Variants in GRIN3A observed in about 807,000 individuals in gnomAD.
GRIN3A encodes glutamate receptor ionotropic, NMDA 3A.
In GRIN3A, 47 loss-of-function variants were observed where a neutral mutation model predicts 92.4. The observed-to-expected ratio is 0.51, with a 90% CI of 0.40 to 0.65. The LOEUF is 0.65. Among genes scored for constraint, GRIN3A ranks in the 30% least tolerant of loss-of-function variants. The pLI is 0.00. For synonymous variants in GRIN3A, 527 were observed against 540.6 expected (o/e 0.97, Z 0.35); for missense variants, 1,324 against 1,393.1 (o/e 0.95, Z 0.79).
intron 3 of GRIN3A, among the ~76,000 whole-genome samples, chr9:101,642,356 C>G (rs530822416): frequency 3.9e-5 from 6 of 152,082 alleles, no homozygotes; most frequent in African/African-American, 1.4e-4. Flanking sequence ...AAATGTAAGA[C>G]CTGAAAACAT....
rs190001290 is a variant in GRIN3A at position 101,712,340 on chromosome 9, A to C, written c.699+24941T>G. Among the ~76,000 whole-genome samples, 370 of 152,318 alleles carry C rather than the reference A, an allele frequency of 2.4e-3. 1 individual carries two copies. Among genetic ancestry groups the C allele is most frequent in the African/African-American group, 8.1e-3 (337 of 41,580 alleles). On this transcript the variant is annotated intron_variant, in intron 1 of 8. Transcript: ENST00000361820. Reference sequence around the variant, plus strand: ...ATTTCTCTCTTAATGACTATCACCCAGAAGAGCCTTTTGAACTACAGAGTG... The same window carrying C: ...ATTTCTCTCTTAATGACTATCACCCCGAAGAGCCTTTTGAACTACAGAGTG...
rs62577463 is a variant in GRIN3A, at chr9:101,738,101, T to A, written c.-122A>T. On this transcript the variant is annotated 5_prime_UTR_variant, in exon 1 of 9. Transcript: ENST00000361820. ...AGCTTCACTCCACTCGGTGAAGCGG[T>A]CCCAGGAGCTGGAGCGGTCTCTAGG... 73,499 of 854,692 alleles carry A rather than the reference T, an allele frequency of 0.086. 6,576 individuals are homozygous for A. Among genetic ancestry groups the A allele is most frequent in the African/African-American group, 0.32 (19,163 of 59,942 alleles). The allele number at this position is 854,692 out of a possible 1,614,324, so 52.9% of individuals were successfully genotyped here. A position where few individuals can be genotyped will look rare whatever the true frequency, so the allele number is the denominator to read the frequency against.
intron 1 of GRIN3A, among the ~76,000 whole-genome samples, chr9:101,715,954 T>A (rs866254719): frequency 6.6e-6 from 1 of 152,190 alleles, no homozygotes; most frequent in Non-Finnish European, 1.5e-5. Context: ...TATTATATTT[T>A]AAAAAAGTAG....
At chr9:101,610,315 C>CT (rs1191018173) in intron 6 of GRIN3A, among the ~76,000 whole-genome samples, 1 of 152,222 alleles carries the variant, frequency 6.6e-6, no homozygotes, top group African/African-American at 2.4e-5. Context: ...CCATTTTCCT[C>CT]TATGCTTCCT....
intron 6 of GRIN3A, among the ~76,000 whole-genome samples, chr9:101,584,613 A>C (rs964655777): frequency 6.6e-6 from 1 of 152,212 alleles, no homozygotes; most frequent in African/African-American, 2.4e-5. Flanking sequence ...TGAAATAGGA[A>C]TACTTTATTA....
chr9:101,648,063 G>T (rs963844710), intron 3 of GRIN3A, among the ~76,000 whole-genome samples: 1 of 151,528 alleles, frequency 6.6e-6, no homozygotes, highest in African/African-American at 2.4e-5. Context: ...TCGTTGAGGT[G>T]CATTATTTGG....
At chr9:101,696,172 T>C (rs1321380475) in intron 1 of GRIN3A, among the ~76,000 whole-genome samples, 2 of 152,222 alleles carry the variant, frequency 1.3e-5, no homozygotes, top group Non-Finnish European at 2.9e-5. Flanking sequence ...ACTTGCATTT[T>C]TCAACTTTGA....
intron 4 of GRIN3A, among the ~76,000 whole-genome samples, chr9:101,624,548 A>G (rs1229872772): frequency 6.6e-6 from 1 of 152,180 alleles, no homozygotes; most frequent in African/African-American, 2.4e-5. Flanking sequence ...TACAGAGGAC[A>G]TGAACTCATC....
intron 3 of GRIN3A, among the ~76,000 whole-genome samples, chr9:101,648,593 T>G (rs1053127520): frequency 5.3e-5 from 8 of 152,108 alleles, no homozygotes; most frequent in African/African-American, 1.7e-4. Flanking sequence ...ACCATTAATC[T>G]CTCCCTTTAG....
intron 1 of GRIN3A, among the ~76,000 whole-genome samples, chr9:101,703,573 G>A (rs985979478): frequency 1.3e-5 from 2 of 152,176 alleles, no homozygotes; most frequent in Non-Finnish European, 2.9e-5. Context: ...CTACTAAACT[G>A]TAAGTCCCTA....
chr9:101,614,401 T>G (rs1828410656), intron 5 of GRIN3A, among the ~76,000 whole-genome samples: 1 of 152,108 alleles, frequency 6.6e-6, no homozygotes, highest in South Asian at 2.1e-4. Flanking sequence ...CTGTGGACTA[T>G]TTGCACAGAT....
In GRIN3A at chr9:101,686,636, C is replaced by A; in HGVS notation, c.1264G>T (p.Val422Leu). The change falls in exon 2 of 9, where the codon GTG becomes TTG. Residue 422 changes from valine (V) to leucine (L), a missense_variant. Physicochemically the swap from Val to Leu is conservative, Grantham distance 32. Transcript: ENST00000361820. ...LIPSTMNCME[V>L]ETTNLTSGQY... ...CCTGAAGTGAGATTTGTAGTTTCCA[C>A]CTCCATGCAGTTCATCGTGCTGGGA... 1 of 1,614,134 alleles carries A rather than the reference C, an allele frequency of 6.2e-7. No homozygotes were observed. The highest frequency in any genetic ancestry group is 8.5e-7 in the Non-Finnish European group (1 of 1,180,028).
intron 2 of GRIN3A, among the ~76,000 whole-genome samples, chr9:101,676,394 T>A (rs937104996): frequency 6.6e-6 from 1 of 151,988 alleles, no homozygotes; most frequent in Admixed American, 6.6e-5. Flanking sequence ...AAAATTAATT[T>A]TTCCCCCTGG....
intron 3 of GRIN3A, among the ~76,000 whole-genome samples, chr9:101,652,751 A>C (rs1165654437): frequency 1.3e-5 from 2 of 152,020 alleles, no homozygotes; most frequent in Non-Finnish European, 2.9e-5. Flanking sequence ...TGCGTCTTTT[A>C]TGAGGCTTGC....
At chr9:101,642,458 A>G (rs1008565785) in intron 3 of GRIN3A, among the ~76,000 whole-genome samples, 2 of 152,202 alleles carry the variant, frequency 1.3e-5, no homozygotes, top group Admixed American at 6.5e-5. Flanking sequence ...ACAGGCAACA[A>G]AAGTAAAATT....
At chr9:101,596,355 T>G (rs1828132728) in intron 6 of GRIN3A, among the ~76,000 whole-genome samples, 1 of 152,232 alleles carries the variant, frequency 6.6e-6, no homozygotes, top group Non-Finnish European at 1.5e-5. Flanking sequence ...AATGTTTTTT[T>G]GTTTCATTTA....
chr9:101,670,847 T>C lies in GRIN3A; in HGVS notation c.1565A>G (p.Glu522Gly). The part of the protein sequence containing the change: ...KLHLRVVTLI[E>G]HPFVFTREVD... ...CTCCCTTGTGAAGACAAAAGGATGC[T>C]CAATCAGGGTAACCACTCTCAAGTG... Residue 522 changes from glutamate (E) to glycine (G), a missense_variant, in exon 3 of 9, where the codon GAG (glutamate) becomes GGG (glycine). By Grantham distance (98) the Glu-to-Gly change is moderately conservative. Transcript: ENST00000361820. The C allele has an allele frequency of 1.2e-6, 2 of 1,613,904 alleles. No individual in the cohort carries two copies. Among genetic ancestry groups the C allele is most frequent in the Non-Finnish European group, 1.7e-6 (2 of 1,179,866 alleles).
At chr9:101,594,091 T>G in intron 6 of GRIN3A, 1 of 265,472 alleles carries the variant, frequency 3.8e-6, no homozygotes, top group Non-Finnish European at 7.1e-6. Context: ...AATGTATACT[T>G]TCTTATTTTT....
intron 5 of GRIN3A, among the ~76,000 whole-genome samples, chr9:101,620,454 C>A (rs1000268735): frequency 6.6e-6 from 1 of 152,170 alleles, no homozygotes; most frequent in Non-Finnish European, 1.5e-5. Context: ...AGTAGTTACA[C>A]TGAGTGTCAC....
Sources: gnomAD v4.1 joint callset for allele counts (sites outside exome capture counted in the v4.1 genomes callset) on GRCh38, gnomAD v4.1.1 for gene constraint, MANE v1.5 for transcripts, NCBI Gene and HGNC (gene_info 2026-07-23, HGNC 2026-07-21) for gene names.